The following CTNNA2 variants were observed in gnomAD, a reference collection of about 807,000 sequenced individuals.
CTNNA2 encodes catenin alpha-2.
CTNNA2 carries 42 observed loss-of-function variants against 101.0 expected under a neutral mutation model. The observed-to-expected ratio is 0.42, with a 90% CI of 0.32 to 0.54. CTNNA2 has a LOEUF of 0.54. Ranked by LOEUF, CTNNA2 falls within the 20% of genes least tolerant of loss-of-function variation. The pLI is 0.14. For synonymous variants in CTNNA2, 450 were observed against 456.4 expected (o/e 0.99, Z 0.18); for missense variants, 871 against 1,223.1 (o/e 0.71, Z 4.29).
intron 2 of CTNNA2, among the ~76,000 whole-genome samples, chr2:79,715,132 G>A (rs534080086): frequency 2.7e-5 from 4 of 149,652 alleles, no homozygotes; most frequent in East Asian, 2.0e-4. Flanking sequence ...GCTTGAACAC[G>A]GGAGGCAGAG....
intron 15 of CTNNA2, among the ~76,000 whole-genome samples, chr2:80,595,256 T>A (rs1696852781): frequency 6.6e-6 from 1 of 151,164 alleles, no homozygotes; most frequent in Non-Finnish European, 1.5e-5. Flanking sequence ...CTGTTCTAAA[T>A]GGAGTTATTT....
At chr2:79,320,626 G>A (rs982417825) in intron 3 of CTNNA2, among the ~76,000 whole-genome samples, 1 of 152,150 alleles carries the variant, frequency 6.6e-6, no homozygotes, top group Non-Finnish European at 1.5e-5. Flanking sequence ...CAGCCTTGTA[G>A]ATGTTGGAAT....
intron 7 of CTNNA2, among the ~76,000 whole-genome samples, chr2:80,366,964 AG>A (rs1358832126): frequency 1.3e-5 from 2 of 151,280 alleles, no homozygotes; most frequent in Non-Finnish European, 2.9e-5. Context: ...GGAAGCAGGG[AG>A]GGGGCTTCCA....
intron 7 of CTNNA2, among the ~76,000 whole-genome samples, chr2:80,213,879 T>C (rs1708076808): frequency 6.6e-6 from 1 of 152,220 alleles, no homozygotes. Flanking sequence ...AAGGACTTGC[T>C]TTATGAATCT....
intron 4 of CTNNA2, among the ~76,000 whole-genome samples, chr2:79,474,958 A>G (rs1024809550): frequency 3.3e-5 from 5 of 152,150 alleles, no homozygotes; most frequent in Non-Finnish European, 5.9e-5. Context: ...CTCTCCATGA[A>G]GAGTGAGACA....
intron 7 of CTNNA2, among the ~76,000 whole-genome samples, chr2:80,115,084 T>C (rs2148867424): frequency 6.6e-6 from 1 of 152,304 alleles, no homozygotes; most frequent in East Asian, 1.9e-4. Context: ...GAGGTAGTAC[T>C]GGATGTCTGG....
chr2:79,566,897 A>G (rs77133619), intron 1 of CTNNA2, among the ~76,000 whole-genome samples: 11 of 152,296 alleles, frequency 7.2e-5, no homozygotes, highest in Non-Finnish European at 5.9e-5. Context: ...TTAACAGTAT[A>G]TGTTAAAACA....
At chr2:80,520,426 CG>C (rs1335695224) in intron 9 of CTNNA2, among the ~76,000 whole-genome samples, 1 of 152,080 alleles carries the variant, frequency 6.6e-6, no homozygotes, top group Non-Finnish European at 1.5e-5. Flanking sequence ...GGGCCCTTGT[CG>C]GTTCAGGTAT....
chr2:80,492,961 A>G (rs925822872), intron 9 of CTNNA2, among the ~76,000 whole-genome samples: 1 of 152,112 alleles, frequency 6.6e-6, no homozygotes, highest in African/African-American at 2.4e-5. Flanking sequence ...TTTCTCTCTC[A>G]GTAGGTTATT....
rs141574569 is a variant in CTNNA2, at chr2:79,270,479, C to G, written c.-405-42230C>G. On this transcript the variant is annotated intron_variant, in intron 2 of 21. Coordinates refer to the CTNNA2 transcript ENST00000466387. ...GCTTTGCTAATTCTTGGTAATTGAG[C>G]TCACCTGCTTCAGGCCACACACTGG... is the stretch of plus-strand genomic sequence containing the variant. Among the ~76,000 whole-genome samples the G allele has an allele frequency of 2.9e-4, 44 of 152,206 alleles. No individual in the cohort carries two copies. In the East Asian group the frequency reaches 6.2e-3, roughly 22 times the overall value.
rs549415732 is a variant in CTNNA2 at position 79,650,435 on chromosome 2, A to G, written c.-5-1117A>G. Among the ~76,000 whole-genome samples, 5 of 152,190 alleles carry G rather than the reference A, an allele frequency of 3.3e-5. No individual in the cohort carries two copies. In the South Asian group the frequency reaches 1.0e-3, roughly 32 times the overall value. ...TTTAAGAGACTGAAACTCTTGTCCC[A>G]AGGAGTATGATATTCTCAGGGGTCA... On this transcript the variant is annotated intron_variant, in intron 1 of 18. Transcript: ENST00000402739.
chr2:79,323,188 G>A (rs759635576), intron 3 of CTNNA2, among the ~76,000 whole-genome samples: 2 of 152,050 alleles, frequency 1.3e-5, no homozygotes, highest in Non-Finnish European at 2.9e-5. Flanking sequence ...ACTCCCTAGT[G>A]GTAGAGTAAG....
At position 80,648,759 on chromosome 2, in the gene CTNNA2, A is replaced by G. The variant is rs559372082; in HGVS notation, c.*887A>G. 7.2e-5 allele frequency: 11 copies of G among 152,194 alleles called. No homozygotes were observed. The highest frequency in any genetic ancestry group is 1.6e-4 in the Non-Finnish European group (11 of 67,992). The allele number at this position is 152,194 out of a possible 1,614,324, so 9.4% of individuals were successfully genotyped here. ...ACCATTGTATTCACTAACTAACTCA[A>G]AATAAACACATTTAATCTTGACATC... On this transcript the variant is annotated 3_prime_UTR_variant, in exon 19 of 19. Coordinates refer to ENST00000402739, the MANE Select transcript of CTNNA2 (RefSeq NM_001282597.3).
At chr2:79,827,406 A>C (rs188725022) in intron 3 of CTNNA2, among the ~76,000 whole-genome samples, 1 of 152,180 alleles carries the variant, frequency 6.6e-6, no homozygotes, top group Non-Finnish European at 1.5e-5. Context: ...TTGAGCAAAA[A>C]GTAGTTGGCT....
At chr2:80,225,565 AT>A (rs1045601140) in intron 7 of CTNNA2, among the ~76,000 whole-genome samples, 2 of 151,990 alleles carry the variant, frequency 1.3e-5, no homozygotes, top group African/African-American at 2.4e-5. Flanking sequence ...CCTATTTTTA[AT>A]TTTTTTTGAA....
At chr2:80,098,971 C>A (rs1312182852) in intron 7 of CTNNA2, among the ~76,000 whole-genome samples, 1 of 152,090 alleles carries the variant, frequency 6.6e-6, no homozygotes, top group Non-Finnish European at 1.5e-5. Context: ...GGCAATTCCT[C>A]ACCCTGCTTC....
intron 3 of CTNNA2, among the ~76,000 whole-genome samples, chr2:79,811,336 G>A (rs1400630028): frequency 6.6e-6 from 1 of 152,144 alleles, no homozygotes; most frequent in Non-Finnish European, 1.5e-5. Flanking sequence ...CTTTTGAGGA[G>A]TGTCTGTTGA....
chr2:79,790,233 G>T (rs1044206309), intron 3 of CTNNA2, among the ~76,000 whole-genome samples: 1 of 152,114 alleles, frequency 6.6e-6, no homozygotes, highest in Admixed American at 6.6e-5. Context: ...AGGAATTTCC[G>T]CTAGGAACTG....
At chr2:79,708,878 C>A (rs1414073880) in intron 2 of CTNNA2, among the ~76,000 whole-genome samples, 1 of 152,140 alleles carries the variant, frequency 6.6e-6, no homozygotes, top group Non-Finnish European at 1.5e-5. Flanking sequence ...GTTTGGAAAT[C>A]ATGGCAGCCT....
Sources: gnomAD v4.1 joint callset for allele counts (sites outside exome capture counted in the v4.1 genomes callset) on GRCh38, gnomAD v4.1.1 for gene constraint, MANE v1.5 for transcripts, NCBI Gene and HGNC (gene_info 2026-07-23, HGNC 2026-07-21) for gene names.